Variants in SSC4D observed in about 807,000 individuals in gnomAD.
SSC4D encodes the protein scavenger receptor cysteine rich family member with 4 domains, also known as scavenger receptor cysteine-rich domain-containing group B protein.
Under a neutral mutation model 63.4 loss-of-function variants are expected in SSC4D, and 57 were observed. The ratio of observed to expected loss-of-function variants is 0.90; its 90% CI spans 0.73 to 1.12. The LOEUF is 1.12. Ranked by LOEUF, SSC4D falls within the 50% of genes most tolerant of loss-of-function variation. The pLI is 0.00. For missense variants in SSC4D, 791 were observed against 806.4 expected (o/e 0.98, Z 0.23); for synonymous variants, 352 against 345.4 (o/e 1.02, Z -0.21).
Position 76,390,127 on chromosome 7 carries a change from G to A in SSC4D, c.1660C>T (p.His554Tyr). 3.7e-6 allele frequency: 6 copies of A among 1,614,246 alleles called. No individual in the cohort carries two copies. The highest frequency in any genetic ancestry group is 2.2e-5 in the South Asian group (2 of 91,082). ...GEESALLLCSHIRWDAHNCDH... is the reference protein window; with the variant it reads ...GEESALLLCSYIRWDAHNCDH... ...CAGTTGTGGGCATCCCAGCGGATAT[G>A]AGAGCAGAGCAGCAGAGCACTTTCT... The change falls in exon 11 of 11, where the codon CAT (histidine) becomes TAT (tyrosine). Residue 554 changes from histidine to tyrosine, a missense_variant. Coordinates refer to ENST00000275560, the MANE Select transcript of SSC4D (RefSeq NM_080744.2).
rs1224219398 is a variant in SSC4D, at chr7:76,400,553, G to A, written c.208C>T (p.Arg70Cys). 15 of 1,513,084 alleles carry A rather than the reference G, an allele frequency of 9.9e-6. 2 individuals carry two copies. The highest frequency in any genetic ancestry group is 8.8e-5 in the South Asian group (7 of 79,666). 93.7% of individuals were successfully genotyped at this position (1,513,084 alleles called of 1,614,324 possible). ...GAGCCACCGTGCATGACTTCCAGGC[G>A]GCCCCGGCAGCGGCTGGGGCCCCCC... ...LVGGPSRCRG[R>C]LEVMHGGSWG... The change falls in exon 4 of 11, where the codon CGC (arginine) becomes TGC (cysteine). Residue 70 changes from arginine to cysteine, a missense_variant. By Grantham distance (180) the Arg-to-Cys change is radical. Transcript: ENST00000275560.
chr7:76,400,742 A>G, intron 3 of SSC4D, 151 bp from the exon 4 acceptor site: 2 of 1,053,582 alleles, frequency 1.9e-6, no homozygotes, highest in Non-Finnish European at 2.6e-6. Context: ...TCCTGGGCTC[A>G]AGTGATCCTC....
At chr7:76,398,050 T>G (rs1804698808) in intron 5 of SSC4D, among the ~76,000 whole-genome samples, 1 of 152,122 alleles carries the variant, frequency 6.6e-6, no homozygotes, top group African/African-American at 2.4e-5. Flanking sequence ...CCCTGTCTCC[T>G]GGCAGCCTGG....
intron 10 of SSC4D, among the ~76,000 whole-genome samples, chr7:76,391,166 G>A (rs969012598): frequency 5.3e-5 from 8 of 151,496 alleles, no homozygotes; most frequent in African/African-American, 1.9e-4. Context: ...AGGCGCAGTG[G>A]CTCATGCCTA....
Position 76,393,562 on chromosome 7 carries a change from G to A in SSC4D, c.1176C>T (p.Gly392=). The change falls in exon 9 of 11, where the codon GGC becomes GGT. Residue 392 remains glycine, a synonymous_variant. Transcript: ENST00000275560. ...CREAGCGPAL[G]ATGLGHFGYG... ...AGCCGAAGTGGCCCAGTCCCGTAGCGCCCAGCGCAGGCCCGCAGCCCGCTT... is the reference window on the plus strand; with the variant it reads ...AGCCGAAGTGGCCCAGTCCCGTAGCACCCAGCGCAGGCCCGCAGCCCGCTT... 1 of 1,517,418 alleles carries A rather than the reference G, an allele frequency of 6.6e-7. No homozygotes were observed. The highest frequency in any genetic ancestry group is 1.4e-5 in the African/African-American group (1 of 70,102). 94.0% of individuals were successfully genotyped at this position (1,517,418 alleles called of 1,614,324 possible).
At chr7:76,409,119 T>C (rs751671199) in intron 1 of SSC4D, among the ~76,000 whole-genome samples, 5 of 152,072 alleles carry the variant, frequency 3.3e-5, no homozygotes, top group Non-Finnish European at 7.4e-5. Flanking sequence ...TGCAGACCCT[T>C]GAGGGTGGAA....
rs1404518780 is a variant in SSC4D, at chr7:76,393,821, G to A, written c.1021+9C>T. On this transcript the variant is annotated intron_variant, in intron 8 of 10. Coordinates refer to ENST00000275560, the MANE Select transcript of SSC4D (RefSeq NM_080744.2). ...CCCATCCCCCGCAGACCCAGGCACCGCCACTTACTTTTCTTCCCCGCGGCC... is the reference window on the plus strand; with the variant it reads ...CCCATCCCCCGCAGACCCAGGCACCACCACTTACTTTTCTTCCCCGCGGCC... The A allele has an allele frequency of 2.5e-6, 4 of 1,581,912 alleles. No homozygotes were observed. The highest frequency in any genetic ancestry group is 3.4e-6 in the Non-Finnish European group (4 of 1,162,326).
rs976893549 is a variant in SSC4D, at chr7:76,400,179, C to A, written c.475+107G>T. 103 of 1,250,512 alleles carry A rather than the reference C, an allele frequency of 8.2e-5. 1 individual carries two copies. The African/African-American group carries it at 1.3e-3, about 15-fold the overall frequency. 77.5% of individuals were successfully genotyped at this position (1,250,512 alleles called of 1,614,324 possible). On this transcript the variant is annotated intron_variant, in intron 4 of 10. Transcript: ENST00000275560. ...CAGGCATTGTAGCCTCTGGCCTGAT[C>A]TGCATGGAACAGCCTTACCTGTGGG...
Position 76,397,440 on chromosome 7 carries a change from C to A in SSC4D, c.868+78G>T. On this transcript the variant is annotated intron_variant, in intron 6 of 10. Transcript: ENST00000275560. ...ACACCCTCCCCATCCACCTCCCCAC[C>A]GAAGCCTCCTCCTCCAGCATTGCCA... 6 of 1,425,912 alleles carry A rather than the reference C, an allele frequency of 4.2e-6. No homozygotes were observed. In the South Asian group the frequency reaches 4.5e-5, roughly 11 times the overall value. The allele number at this position is 1,425,912 out of a possible 1,614,324, so 88.3% of individuals were successfully genotyped here. A position where few individuals can be genotyped will look rare whatever the true frequency, so the allele number is the denominator to read the frequency against.
At chr7:76,399,773 C>T (rs952841535) in intron 4 of SSC4D, among the ~76,000 whole-genome samples, 2 of 152,150 alleles carry the variant, frequency 1.3e-5, no homozygotes, top group African/African-American at 2.4e-5. Flanking sequence ...ATCTTGCCAC[C>T]TTGGCCTCCC....
intron 9 of SSC4D, among the ~76,000 whole-genome samples, chr7:76,392,620 A>T (rs1418455903): frequency 1.3e-5 from 2 of 149,544 alleles, no homozygotes; most frequent in Non-Finnish European, 3.0e-5. Flanking sequence ...GTGAGACCTC[A>T]TCTCTAAAAA....
intron 10 of SSC4D, 64 bp from the exon 11 acceptor site, chr7:76,390,439 C>A: frequency 1.4e-6 from 2 of 1,460,410 alleles, no homozygotes; most frequent in South Asian, 2.7e-5. Context: ...CAAGCTAGGT[C>A]AGGTTGGCAG....
chr7:76,400,663 CT>C (rs1473977409), intron 3 of SSC4D, 72 bp from the exon 4 acceptor site: 18 of 1,369,902 alleles, frequency 1.3e-5, no homozygotes, highest in Non-Finnish European at 1.9e-6. Context: ...CCAGGATGTC[CT>C]TTTATTTTAT....
chr7:76,408,285 C>A (rs1398165239), intron 1 of SSC4D, among the ~76,000 whole-genome samples: 1 of 152,100 alleles, frequency 6.6e-6, no homozygotes, highest in African/African-American at 2.4e-5. Flanking sequence ...GATTTCAACA[C>A]CCCATTCATG....
intron 9 of SSC4D, 110 bp downstream of exon 9, chr7:76,393,295 T>A: frequency 8.7e-7 from 1 of 1,152,728 alleles, no homozygotes; most frequent in Non-Finnish European, 1.1e-6. Flanking sequence ...GTGCGCATGC[T>A]CCCCGGGCGG....
intron 6 of SSC4D, among the ~76,000 whole-genome samples, chr7:76,395,569 G>A (rs932032922): frequency 3.2e-4 from 48 of 152,216 alleles, no homozygotes; most frequent in African/African-American, 1.2e-3. Flanking sequence ...CAACAGACAC[G>A]CTTTCATTTC....
chr7:76,403,578 C>T (rs935968393), intron 2 of SSC4D, among the ~76,000 whole-genome samples: 4 of 151,252 alleles, frequency 2.6e-5, no homozygotes, highest in Non-Finnish European at 4.4e-5. Context: ...CCTCATGATC[C>T]GCCCTCCTCA....
At chr7:76,399,896 C>T (rs547272182) in intron 4 of SSC4D, among the ~76,000 whole-genome samples, 7 of 152,170 alleles carry the variant, frequency 4.6e-5, no homozygotes, top group African/African-American at 1.2e-4. Flanking sequence ...GCTACTGAGG[C>T]GGGAGAATCC....
At chr7:76,407,491 C>T (rs1176847853) in intron 1 of SSC4D, among the ~76,000 whole-genome samples, 1 of 152,072 alleles carries the variant, frequency 6.6e-6, no homozygotes, top group African/African-American at 2.4e-5. Context: ...ATCACCACGC[C>T]CAGCTAATTG....
Sources: allele counts gnomAD v4.1 joint callset (sites outside exome capture counted in the v4.1 genomes callset), GRCh38; gene constraint gnomAD v4.1.1; transcripts MANE v1.5; gene names NCBI Gene and HGNC (gene_info 2026-07-23, HGNC 2026-07-21).